The following TMF1 variants were observed in gnomAD, a reference collection of about 807,000 sequenced individuals.
The protein encoded by TMF1 is TATA element modulatory factor 1, also known as TATA element modulatory factor.
Under a neutral mutation model 126.5 loss-of-function variants are expected in TMF1, and 71 were observed. That is an observed-to-expected ratio of 0.56 (90% confidence interval 0.46 to 0.68). The LOEUF is 0.68. Among genes scored for constraint, TMF1 ranks in the 30% least tolerant of loss-of-function variants. TMF1 has a pLI of 0.00. For missense variants in TMF1, 1,259 were observed against 1,253.2 expected, an observed-to-expected ratio of 1.00 and a Z score of -0.07; for synonymous variants, 461 against 430.5, an observed-to-expected ratio of 1.07 and a Z score of -0.88.
intron 5 of TMF1, among the ~76,000 whole-genome samples, chr3:69,041,986 G>T (rs1256781403): frequency 1.3e-5 from 2 of 152,024 alleles, no homozygotes; most frequent in South Asian, 4.2e-4. Context: ...CATTTGTAAT[G>T]ATTTATTTCA....
Position 69,052,269 on chromosome 3 carries a change from T to G in TMF1, c.-183A>C. ...TTACCCTCGGCCGTTCCCGCACAGC[T>G]GAGACGAAGGGGGCCCATGTGCGCA... is the stretch of plus-strand genomic sequence containing the variant. On this transcript the variant is annotated 5_prime_UTR_variant, in exon 1 of 17. Coordinates refer to ENST00000398559, the MANE Select transcript of TMF1 (RefSeq NM_007114.3). The G allele has an allele frequency of 3.5e-6, 2 of 565,998 alleles. No homozygotes were observed. The highest frequency in any genetic ancestry group is 5.9e-6 in the Non-Finnish European group (2 of 339,200). The allele number at this position is 565,998 out of a possible 1,614,324, so 35.1% of individuals were successfully genotyped here. A position where few individuals can be genotyped will look rare whatever the true frequency, so the allele number is the denominator to read the frequency against.
chr3:69,040,585 T>C (rs1351944394), intron 5 of TMF1: 5 of 152,230 alleles, frequency 3.3e-5, no homozygotes, highest in Admixed American at 6.5e-5. Flanking sequence ...CAGGTATTCA[T>C]TGTAGTGTGC....
chr3:69,038,704 G>C lies in TMF1; in HGVS notation c.2011C>G (p.His671Asp). ...CTATCCTTTGCAGCATTGGCTTTGT[G>C]AAGATCAGTAAGTTCTCTTAAAAAA... The part of the protein sequence containing the change: ...DSAYKELTDL[H>D]KANAAKDSEA... Residue 671 changes from histidine to aspartate, a missense_variant, in exon 8 of 17, where the codon CAC becomes GAC. Physicochemically the swap from His to Asp is moderately conservative, Grantham distance 81. Coordinates refer to ENST00000398559, the MANE Select transcript of TMF1 (RefSeq NM_007114.3). 4 of 1,611,226 alleles carry C rather than the reference G, an allele frequency of 2.5e-6. No individual in the cohort carries two copies. The highest frequency in any genetic ancestry group is 2.5e-6 in the Non-Finnish European group (3 of 1,179,148).
chr3:69,027,905 C>A lies in TMF1; in HGVS notation c.2752G>T (p.Glu918Ter). ...ACAAAAACAAAATTCAATACCTTTT[C>A]TTTTATTGTTTCTTGAGTAAAAATG... ...KAIFTQETIK[E>*]KERKPFSVSS... is the part of the protein sequence containing the mutation. The change falls in exon 13 of 17, where the codon GAA becomes TAA. Residue 918 changes from glutamate (E) to a stop codon, truncating the protein, a stop_gained. Transcript: ENST00000398559. LOFTEE classifies it high-confidence loss of function. The A allele has an allele frequency of 6.5e-7, 1 of 1,535,638 alleles. No individual in the cohort carries two copies. The highest frequency in any genetic ancestry group is 9.0e-7 in the Non-Finnish European group (1 of 1,114,432).
intron 8 of TMF1, 83 bp downstream of exon 8, chr3:69,038,481 G>T: frequency 6.9e-7 from 1 of 1,451,332 alleles, no homozygotes; most frequent in South Asian, 1.3e-5. Flanking sequence ...TACATTGTTT[G>T]ATTCAAACCA....
intron 2 of TMF1, among the ~76,000 whole-genome samples, chr3:69,047,138 T>C (rs999353540): frequency 1.3e-5 from 2 of 152,244 alleles, no homozygotes; most frequent in African/African-American, 2.4e-5. Flanking sequence ...CTTAACTGTA[T>C]TGAAGTATCA....
At position 69,048,310 on chromosome 3, in the gene TMF1, C is replaced by G; in HGVS notation, c.395G>C (p.Ser132Thr). The stretch of plus-strand genomic sequence containing the variant: ...GCCAATGTGCAAGGATTCATGTAAG[C>G]TGCTTTTCACTTCTTCTTCTGGTCG... ...SQRPEEEVKS[S>T]LHESLHIGQS... Residue 132 changes from serine (S) to threonine (T), a missense_variant, in exon 2 of 17, where the codon AGC becomes ACC. Coordinates refer to ENST00000398559, the MANE Select transcript of TMF1 (RefSeq NM_007114.3). The G allele has an allele frequency of 6.2e-7, 1 of 1,614,204 alleles. No individual in the cohort carries two copies. Among genetic ancestry groups the G allele is most frequent in the Middle Eastern group, 1.6e-4 (1 of 6,062 alleles).
At chr3:69,029,664 C>G in intron 11 of TMF1, 151 bp downstream of exon 11, 1 of 640,278 alleles carries the variant, frequency 1.6e-6, no homozygotes, top group East Asian at 2.9e-5. Flanking sequence ...TGGTCTCCAC[C>G]TCCTGACCTC....
intron 5 of TMF1, among the ~76,000 whole-genome samples, chr3:69,040,823 G>T (rs1173308212): frequency 6.6e-6 from 1 of 151,972 alleles, no homozygotes; most frequent in Non-Finnish European, 1.5e-5. Context: ...TCGGGAGGCT[G>T]AGGCAGGAGA....
intron 10 of TMF1, among the ~76,000 whole-genome samples, chr3:69,032,729 C>G (rs1420520525): frequency 6.6e-6 from 1 of 151,756 alleles, no homozygotes; most frequent in Admixed American, 6.6e-5. Flanking sequence ...TTTGCCTCAG[C>G]CTCCCAAATA....
intron 13 of TMF1, 146 bp from the exon 14 acceptor site, chr3:69,026,243 G>A: frequency 1.9e-6 from 1 of 520,632 alleles, no homozygotes; most frequent in Non-Finnish European, 3.4e-6. Flanking sequence ...ATCAAAAGAA[G>A]AAAAAAAACT....
intron 8 of TMF1, among the ~76,000 whole-genome samples, chr3:69,037,568 G>C (rs1380770090): frequency 1.3e-5 from 2 of 152,154 alleles, no homozygotes; most frequent in Non-Finnish European, 2.9e-5. Flanking sequence ...CTTGCACCTG[G>C]GAGGTGGAGG....
intron 13 of TMF1, among the ~76,000 whole-genome samples, chr3:69,027,590 T>C (rs939144330): frequency 3.3e-5 from 5 of 151,932 alleles, no homozygotes; most frequent in African/African-American, 1.2e-4. Context: ...AAAGCAGGGA[T>C]GTCCAATCTT....
In TMF1 at chr3:69,020,186, A is replaced by G. The variant is rs946133762; in HGVS notation, c.*2991T>C. 6.6e-6 allele frequency: 1 copy of G among 152,088 alleles called. No homozygotes were observed. The highest frequency in any genetic ancestry group is 1.5e-5 in the Non-Finnish European group (1 of 68,000). 9.4% of individuals were successfully genotyped at this position (152,088 alleles called of 1,614,324 possible). A position where few individuals can be genotyped will look rare whatever the true frequency, so the allele number is the denominator to read the frequency against. On this transcript the variant is annotated 3_prime_UTR_variant, in exon 17 of 17. Transcript: ENST00000398559. ...ATAAATGCCAACTGAAGAGATGGAG[A>G]AAAAAAATTTCCTGAACATTCTTTT...
rs1317684031 is a variant in TMF1, at chr3:69,041,077, TTC to T, written c.1685-1386_1685-1385del. Among the ~76,000 whole-genome samples the T allele has an allele frequency of 2.5e-3, 388 of 152,314 alleles. 1 individual carries two copies. The highest frequency in any genetic ancestry group is 8.7e-3 in the African/African-American group (363 of 41,574). On this transcript the variant is annotated intron_variant, in intron 5 of 16. Transcript: ENST00000398559. Reference sequence around the variant, plus strand: ...TTAAGCAAAAGAAGACATCAGTTCATTCTCTGACAAAATTATTAAATTACAAA... The same window carrying T: ...TTAAGCAAAAGAAGACATCAGTTCATTCTGACAAAATTATTAAATTACAAA...
intron 10 of TMF1, among the ~76,000 whole-genome samples, chr3:69,032,229 C>G (rs1462773538): frequency 1.3e-5 from 2 of 152,166 alleles, no homozygotes; most frequent in African/African-American, 2.4e-5. Flanking sequence ...TAAGAGTCCA[C>G]TGAATACTAT....
chr3:69,032,304 A>T (rs2091807583), intron 10 of TMF1, among the ~76,000 whole-genome samples: 1 of 152,190 alleles, frequency 6.6e-6, no homozygotes. Flanking sequence ...TAGTTGGAAC[A>T]ATATAAGTGA....
Position 69,044,627 on chromosome 3 carries a change from G to A in TMF1, c.1348-32C>T, listed in dbSNP as rs192018090. ...AAGGCGAATACATAAAAGTCAGAAC[G>A]CTTAGCTTTAAAAAAGACCATTTTT... On this transcript the variant is annotated intron_variant, in intron 2 of 16. Transcript: ENST00000398559. The A allele has an allele frequency of 1.1e-3, 1,651 of 1,461,070 alleles. 18 individuals carry two copies. The African/African-American group carries it at 0.02, about 18-fold the overall frequency. The allele number at this position is 1,461,070 out of a possible 1,614,324, so 90.5% of individuals were successfully genotyped here. A position where few individuals can be genotyped will look rare whatever the true frequency, so the allele number is the denominator to read the frequency against.
chr3:69,040,146 C>G (rs920331167), intron 5 of TMF1, among the ~76,000 whole-genome samples: 3 of 152,140 alleles, frequency 2.0e-5, no homozygotes, highest in Admixed American at 2.0e-4. Context: ...GTGGGACATC[C>G]TGTGGGACAA....
Sources: allele counts gnomAD v4.1 joint callset (sites outside exome capture counted in the v4.1 genomes callset), GRCh38; gene constraint gnomAD v4.1.1; transcripts MANE v1.5; gene names NCBI Gene and HGNC (gene_info 2026-07-23, HGNC 2026-07-21).